The following PYM1 variants were observed in gnomAD, a reference collection of about 807,000 sequenced individuals.
PYM1 encodes partner of Y14 and mago.
A neutral mutation model predicts 20.7 loss-of-function variants in PYM1; 7 were observed. That is an observed-to-expected ratio of 0.34 (90% CI 0.19 to 0.64). The LOEUF is 0.64. Among genes scored for constraint, PYM1 ranks in the 30% least tolerant of loss-of-function variants. PYM1 has a pLI of 0.74. For missense variants in PYM1, 194 were observed against 250.0 expected (o/e 0.78, Z 1.51); for synonymous variants, 100 against 99.2 (o/e 1.01, Z -0.05).
intron 1 of PYM1, among the ~76,000 whole-genome samples, chr12:55,917,222 C>A (rs1377215880): frequency 1.3e-5 from 2 of 151,922 alleles, no homozygotes; most frequent in African/African-American, 4.8e-5. Context: ...GAGCTCGAGA[C>A]CAGCCTGGCC....
At chr12:55,906,853 G>A (rs1882825583) in intron 1 of PYM1, among the ~76,000 whole-genome samples, 1 of 151,792 alleles carries the variant, frequency 6.6e-6, no homozygotes, top group Non-Finnish European at 1.5e-5. Context: ...TCTCTGTATT[G>A]GTCAGGCTGG....
intron 2 of PYM1, 145 bp from the exon 3 acceptor site, chr12:55,902,500 T>C: frequency 2.4e-6 from 3 of 1,228,808 alleles, no homozygotes; most frequent in South Asian, 3.2e-5. Flanking sequence ...TTTTTTGAGA[T>C]AGAGTCTCGC....
At position 55,914,357 on chromosome 12, in the gene PYM1, G is replaced by C. The variant is rs186202876; in HGVS notation, c.38-10877C>G. ...TCAAAAAGAAGGGAGAGGTTTGGCG[G>C]TTCCCACCCCTAGAAATAAAAACCA... On this transcript the variant is annotated intron_variant, in intron 1 of 2. Coordinates refer to ENST00000408946, the MANE Select transcript of PYM1 (RefSeq NM_032345.3). The C allele has an allele frequency of 8.5e-6, 6 of 702,282 alleles. No individual in the cohort carries two copies. In the East Asian group the frequency reaches 1.6e-4, roughly 19 times the overall value. The allele number at this position is 702,282 out of a possible 1,614,324, so 43.5% of individuals were successfully genotyped here. A position where few individuals can be genotyped will look rare whatever the true frequency, so the allele number is the denominator to read the frequency against.
chr12:55,901,668 G>A lies in PYM1; in HGVS notation c.*204C>T. On this transcript the variant is annotated 3_prime_UTR_variant, in exon 3 of 3. Transcript: ENST00000408946. ...AGATTTTGAACACTGGGAATGGGAG[G>A]GGGAAAGTCCAAAAAGTAGAAGTTG... The A allele has an allele frequency of 3.0e-6, 2 of 674,192 alleles. No homozygotes were observed. Among genetic ancestry groups the A allele is most frequent in the Non-Finnish European group, 4.7e-6 (2 of 422,616 alleles). The allele number at this position is 674,192 out of a possible 1,614,324, so 41.8% of individuals were successfully genotyped here.
chr12:55,927,083 C>G, intron 1 of PYM1: 1 of 1,523,920 alleles, frequency 6.6e-7, no homozygotes, highest in Non-Finnish European at 8.8e-7. Flanking sequence ...CACCGCCGGT[C>G]TCGTCAGTAA....
At position 55,927,822 on chromosome 12, in the gene PYM1, G is replaced by C; in HGVS notation, c.-61C>G. 6.6e-7 allele frequency: 1 copy of C among 1,518,186 alleles called. No individual in the cohort carries two copies. 94.0% of individuals were successfully genotyped at this position (1,518,186 alleles called of 1,614,324 possible). A position where few individuals can be genotyped will look rare whatever the true frequency, so the allele number is the denominator to read the frequency against. ...CCCTGGCCTGGCTCTGCCCCGCTGGGCGGCGCCGGGGATTCGGCGGCGAAG... is the reference window on the plus strand; with the variant it reads ...CCCTGGCCTGGCTCTGCCCCGCTGGCCGGCGCCGGGGATTCGGCGGCGAAG... On this transcript the variant is annotated 5_prime_UTR_variant, in exon 1 of 3. Coordinates refer to ENST00000408946, the MANE Select transcript of PYM1 (RefSeq NM_032345.3).
At chr12:55,925,857 G>T (rs1167180219) in intron 1 of PYM1, among the ~76,000 whole-genome samples, 3 of 152,202 alleles carry the variant, frequency 2.0e-5, no homozygotes, top group African/African-American at 7.2e-5. Context: ...TGGATAAGTA[G>T]TATTTTCAAA....
rs370888061 is a variant in PYM1, at chr12:55,901,863, C to T, written c.*9G>A. The T allele has an allele frequency of 3.1e-6, 5 of 1,595,300 alleles. No homozygotes were observed. The highest frequency in any genetic ancestry group is 4.3e-6 in the Non-Finnish European group (5 of 1,172,124). ...TGTTCTGCAGTCCATTCCCTATTCC[C>T]CAAAGGCCTCAGAGGCCTAACTCCA... On this transcript the variant is annotated 3_prime_UTR_variant, in exon 3 of 3. Coordinates refer to ENST00000408946, the MANE Select transcript of PYM1 (RefSeq NM_032345.3).
intron 1 of PYM1, among the ~76,000 whole-genome samples, chr12:55,925,505 A>G (rs1444163396): frequency 4.6e-5 from 7 of 152,224 alleles, no homozygotes; most frequent in Admixed American, 1.3e-4. Flanking sequence ...GAATATTCCA[A>G]TGGTGCTGGA....
chr12:55,901,839 G>A lies in PYM1; in HGVS notation c.*33C>T. 1 of 1,567,072 alleles carries A rather than the reference G, an allele frequency of 6.4e-7. No homozygotes were observed. The highest frequency in any genetic ancestry group is 8.6e-7 in the Non-Finnish European group (1 of 1,159,062). Reference sequence around the variant, plus strand: ...CAGACCCCAGAGAGCCCCACGGTTTGTTCTGCAGTCCATTCCCTATTCCCC... The same window carrying A: ...CAGACCCCAGAGAGCCCCACGGTTTATTCTGCAGTCCATTCCCTATTCCCC... On this transcript the variant is annotated 3_prime_UTR_variant, in exon 3 of 3. Coordinates refer to ENST00000408946, the MANE Select transcript of PYM1 (RefSeq NM_032345.3).
chr12:55,914,706 C>A (rs145427944), intron 1 of PYM1, among the ~76,000 whole-genome samples: 12 of 152,164 alleles, frequency 7.9e-5, no homozygotes, highest in Admixed American at 1.3e-4. Context: ...TCTCAGCCTG[C>A]GGATGATCTC....
intron 1 of PYM1, among the ~76,000 whole-genome samples, chr12:55,920,574 AT>A (rs1471821551): frequency 6.6e-6 from 1 of 150,962 alleles, no homozygotes; most frequent in Non-Finnish European, 1.5e-5. Flanking sequence ...GGAGGTGGAG[AT>A]TGTAGTGAGC....
intron 1 of PYM1, among the ~76,000 whole-genome samples, chr12:55,911,047 C>T (rs1341809804): frequency 6.6e-6 from 1 of 152,150 alleles, no homozygotes; most frequent in Non-Finnish European, 1.5e-5. Context: ...TTTAGTTAAC[C>T]TCTTCGGCAT....
chr12:55,909,630 A>C (rs1027853219), intron 1 of PYM1, among the ~76,000 whole-genome samples: 1 of 152,106 alleles, frequency 6.6e-6, no homozygotes, highest in African/African-American at 2.4e-5. Flanking sequence ...TAGGGAAAAA[A>C]TATTGTGATA....
intron 1 of PYM1, among the ~76,000 whole-genome samples, chr12:55,924,138 C>G (rs1230421286): frequency 2.0e-5 from 3 of 151,576 alleles, no homozygotes; most frequent in Non-Finnish European, 4.4e-5. Context: ...ATAATGGTGC[C>G]TTTAACAGAA....
Position 55,902,058 on chromosome 12 carries a change from G to C in PYM1, c.429C>G (p.Asp143Glu). 1.2e-6 allele frequency: 2 copies of C among 1,614,118 alleles called. No homozygotes were observed. The highest frequency in any genetic ancestry group is 1.7e-6 in the Non-Finnish European group (2 of 1,180,028). Reference sequence around the variant, plus strand: ...TGGCTTTCTCAGTGGTGGCAGCTGAGTCAGGCTGGTCAGATGCAGCTGTGG... The same window carrying C: ...TGGCTTTCTCAGTGGTGGCAGCTGACTCAGGCTGGTCAGATGCAGCTGTGG... ...AAPTAASDQPDSAATTEKAKK... is the reference protein window; with the variant it reads ...AAPTAASDQPESAATTEKAKK... Residue 143 changes from aspartate to glutamate, a missense_variant, in exon 3 of 3, where the codon GAC (aspartate) becomes GAG (glutamate). Around this residue, in one of 3 missense-constraint regions of PYM1, gnomAD observed 158 missense variants for 179.0 expected, o/e 0.88. Transcript: ENST00000408946.
intron 1 of PYM1, among the ~76,000 whole-genome samples, chr12:55,920,776 A>G (rs1190562675): frequency 6.6e-6 from 1 of 151,716 alleles, no homozygotes; most frequent in African/African-American, 2.4e-5. Flanking sequence ...AAAGTAAGAT[A>G]GGGTGCATGC....
rs369277216 is a variant in PYM1, at chr12:55,902,279, G to A, written c.208C>T (p.Pro70Ser). The A allele has an allele frequency of 3.7e-6, 6 of 1,614,084 alleles. No individual in the cohort carries two copies. Among genetic ancestry groups the A allele is most frequent in the East Asian group, 4.5e-5 (2 of 44,894 alleles). Residue 70 changes from proline to serine, a missense_variant, in exon 3 of 3, where the codon CCT (proline) becomes TCT (serine). By Grantham distance (74) the Pro-to-Ser change is moderately conservative. Transcript: ENST00000408946. ...PPGLSPEATA[P>S]VTPSRPEGGE... ...CCTTCAGGCCTGGATGGGGTGACAG[G>A]AGCAGTGGCCTCAGGGCTTAGCCCT...
intron 1 of PYM1, among the ~76,000 whole-genome samples, chr12:55,922,051 A>T (rs866505929): frequency 8.6e-5 from 13 of 151,500 alleles, no homozygotes; most frequent in East Asian, 1.9e-4. Flanking sequence ...TTTTTTTTTT[A>T]AATCTTTTTG....
Sources: gnomAD v4.1 joint callset for allele counts (sites outside exome capture counted in the v4.1 genomes callset) on GRCh38, gnomAD v4.1.1 for gene constraint, gnomAD v4.1.1 regional missense constraint, MANE v1.5 for transcripts, NCBI Gene and HGNC (gene_info 2026-07-23, HGNC 2026-07-21) for gene names.